GPC1: variants seen among roughly 807,000 people sequenced by gnomAD.
GPC1 encodes glypican-1.
In GPC1, 26 loss-of-function variants were observed where a neutral mutation model predicts 51.5. The observed-to-expected ratio is 0.50, with a 90% CI of 0.37 to 0.70. The LOEUF is 0.70. Ranked by LOEUF, GPC1 falls within the 30% of genes least tolerant of loss-of-function variation. The probability of loss-of-function intolerance (pLI) is 0.00; values close to 1 mark genes in which losing one functional copy is unlikely to be tolerated. For synonymous variants in GPC1, 380 were observed against 348.3 expected, an observed-to-expected ratio of 1.09 and a Z score of -1.01; for missense variants, 775 against 800.5, an observed-to-expected ratio of 0.97 and a Z score of 0.38.
chr2:240,465,433 G>C, intron 7 of GPC1, 40 bp from the exon 8 acceptor site: 1 of 1,592,742 alleles, frequency 6.3e-7, no homozygotes, highest in Non-Finnish European at 8.6e-7. Flanking sequence ...CTTTGCAGGG[G>C]CTGGAGCAGT....
At chr2:240,454,099 G>A (rs532688329) in intron 1 of GPC1, among the ~76,000 whole-genome samples, 1 of 152,256 alleles carries the variant, frequency 6.6e-6, no homozygotes, top group East Asian at 1.9e-4. Context: ...GGTGTGGGGA[G>A]GGGAGGGAAG....
At chr2:240,436,336 C>T (rs2073984120) in intron 1 of GPC1, among the ~76,000 whole-genome samples, 1 of 152,092 alleles carries the variant, frequency 6.6e-6, no homozygotes, top group South Asian at 2.1e-4. Context: ...TCCCCGCCCC[C>T]CGCACGCCGG....
intron 1 of GPC1, among the ~76,000 whole-genome samples, chr2:240,440,306 G>A (rs573825898): frequency 4.6e-5 from 7 of 152,214 alleles, no homozygotes; most frequent in African/African-American, 1.4e-4. Flanking sequence ...CACATCAGAC[G>A]GAAGGGGTCT....
At chr2:240,454,247 G>A (rs949802781) in intron 1 of GPC1, among the ~76,000 whole-genome samples, 5 of 152,210 alleles carry the variant, frequency 3.3e-5, no homozygotes, top group African/African-American at 1.2e-4. Context: ...ACTGGCCAGG[G>A]GCGCAGGCTT....
chr2:240,437,429 C>G (rs2073991197), intron 1 of GPC1, among the ~76,000 whole-genome samples: 1 of 152,138 alleles, frequency 6.6e-6, no homozygotes, highest in Admixed American at 6.5e-5. Context: ...CAGACAGTCC[C>G]TTGGCGGATC....
intron 1 of GPC1, chr2:240,456,533 G>A (rs1211017506): frequency 4.4e-6 from 2 of 458,108 alleles, no homozygotes; most frequent in Non-Finnish European, 9.2e-6. Context: ...TCACCGGGAA[G>A]CTCAGCTGGC....
chr2:240,456,307 C>T (rs989597327), intron 1 of GPC1, among the ~76,000 whole-genome samples: 12 of 151,854 alleles, frequency 7.9e-5, no homozygotes, highest in Non-Finnish European at 1.5e-4. Flanking sequence ...CAGCCTCTCC[C>T]GTCTGCGTGG....
chr2:240,457,868 C>T (rs185416629), intron 1 of GPC1: 9 of 351,520 alleles, frequency 2.6e-5, no homozygotes, highest in African/African-American at 1.3e-4. Flanking sequence ...GCCCCTGAGG[C>T]GGCAGTCCTG....
Position 240,466,998 on chromosome 2 carries a change from G to A in GPC1, c.*708G>A, listed in dbSNP as rs1450219194. ...GGGCCACTGACCCACCTGCGCTTCT[G>A]CTGGAGGAGGGGAAGCTGGGCCCAA... is the stretch of plus-strand genomic sequence containing the variant. On this transcript the variant is annotated 3_prime_UTR_variant, in exon 9 of 9. Coordinates refer to ENST00000264039, the MANE Select transcript of GPC1 (RefSeq NM_002081.3). The A allele has an allele frequency of 6.6e-6, 1 of 152,324 alleles. No individual in the cohort carries two copies. The highest frequency in any genetic ancestry group is 1.5e-5 in the Non-Finnish European group (1 of 68,086). 9.4% of individuals were successfully genotyped at this position (152,324 alleles called of 1,614,324 possible).
chr2:240,460,993 C>T (rs1298665242), intron 2 of GPC1, among the ~76,000 whole-genome samples: 7 of 152,222 alleles, frequency 4.6e-5, no homozygotes, highest in African/African-American at 1.7e-4. Flanking sequence ...GTCCGCCCCC[C>T]CACCAGCCTT....
intron 1 of GPC1, chr2:240,458,299 A>G: frequency 3.5e-6 from 1 of 283,068 alleles, no homozygotes; most frequent in East Asian, 8.0e-5. Context: ...ACTCCCCACA[A>G]GGAGGTGAAG....
Position 240,459,764 on chromosome 2 carries a change from G to C in GPC1, c.325+576G>C, listed in dbSNP as rs73102084. ...CCGCCAGCTGCTGCATTAGAGCCAC[G>C]TACTCCTCGGCCCAGGCTGGGCCTC... On this transcript the variant is annotated intron_variant, in intron 2 of 8. Coordinates refer to ENST00000264039, the MANE Select transcript of GPC1 (RefSeq NM_002081.3). Among the ~76,000 whole-genome samples the C allele has an allele frequency of 7.6e-3, 1,162 of 152,276 alleles. 9 individuals carry two copies. The highest frequency in any genetic ancestry group is 0.026 in the African/African-American group (1,087 of 41,554).
At position 240,456,695 on chromosome 2, in the gene GPC1, G is replaced by A. The variant is rs1367889808; in HGVS notation, c.167-2335G>A. On this transcript the variant is annotated intron_variant, in intron 1 of 8. Coordinates refer to ENST00000264039, the MANE Select transcript of GPC1 (RefSeq NM_002081.3). ...CCACACCCTCGGAGAGACGCCTCCT[G>A]AGTCTGCTCAGCCTGGCACAGGCCC... is the stretch of plus-strand genomic sequence containing the variant. 4 of 458,404 alleles carry A rather than the reference G, an allele frequency of 8.7e-6. No individual in the cohort carries two copies. In the Admixed American group the frequency reaches 9.5e-5, roughly 11 times the overall value. 28.4% of individuals were successfully genotyped at this position (458,404 alleles called of 1,614,324 possible).
intron 1 of GPC1, among the ~76,000 whole-genome samples, chr2:240,454,404 C>T (rs2074136522): frequency 6.6e-6 from 1 of 152,216 alleles, no homozygotes; most frequent in Non-Finnish European, 1.5e-5. Flanking sequence ...GCCACCGGAG[C>T]TGGTTGGGGT....
chr2:240,436,599 G>A (rs926242618), intron 1 of GPC1, among the ~76,000 whole-genome samples: 3 of 152,260 alleles, frequency 2.0e-5, no homozygotes, highest in Non-Finnish European at 4.4e-5. Flanking sequence ...GGTCCTGCCC[G>A]GGGATTCTCG....
chr2:240,458,490 G>T (rs572737429), intron 1 of GPC1: 2 of 185,286 alleles, frequency 1.1e-5, no homozygotes, highest in African/African-American at 2.3e-5. Context: ...GAGCACACCT[G>T]CCCCCATACC....
In GPC1 at chr2:240,461,457, C is replaced by A. The variant is rs188791517; in HGVS notation, c.326-734C>A. On this transcript the variant is annotated intron_variant, in intron 2 of 8. Transcript: ENST00000264039. The stretch of plus-strand genomic sequence containing the variant: ...CCACTTCCAAATGGGATGGGGAAGT[C>A]CAGGGTCCCATCTAGGCCCGGGGTA... Among the ~76,000 whole-genome samples, 6 of 152,300 alleles carry A rather than the reference C, an allele frequency of 3.9e-5. No homozygotes were observed. In the East Asian group the frequency reaches 7.7e-4, roughly 20 times the overall value.
At chr2:240,464,376 G>A in intron 4 of GPC1, 1 of 535,778 alleles carries the variant, frequency 1.9e-6, no homozygotes, top group Non-Finnish European at 3.4e-6. Context: ...TGGCCTCTGT[G>A]TATGTGCGTG....
chr2:240,455,324 G>A (rs958202429), intron 1 of GPC1, among the ~76,000 whole-genome samples: 6 of 152,172 alleles, frequency 3.9e-5, no homozygotes, highest in South Asian at 4.1e-4. Flanking sequence ...AGGATGGGTC[G>A]GCTACAGCAA....
Sources: gnomAD v4.1 joint callset for allele counts (sites outside exome capture counted in the v4.1 genomes callset) on GRCh38, gnomAD v4.1.1 for gene constraint, MANE v1.5 for transcripts, NCBI Gene and HGNC (gene_info 2026-07-23, HGNC 2026-07-21) for gene names.